Variants in ZNF804B observed in about 807,000 individuals in gnomAD.
ZNF804B encodes zinc finger protein 804B, also known as zinc finger 804B.
A neutral mutation model predicts 101.4 loss-of-function variants in ZNF804B; 80 were observed. That is an observed-to-expected ratio of 0.79 (90% CI 0.66 to 0.95). ZNF804B has a LOEUF of 0.95. Among genes scored for constraint, ZNF804B ranks in the 40% least tolerant of loss-of-function variants. The pLI, the probability that ZNF804B is intolerant of heterozygous loss-of-function variation, is 0.00. For missense variants in ZNF804B, 1,673 were observed against 1,561.9 expected (o/e 1.07, Z -1.20); for synonymous variants, 622 against 558.8 (o/e 1.11, Z -1.59).
intron 2 of ZNF804B, among the ~76,000 whole-genome samples, chr7:89,292,311 A>G (rs554771569): frequency 1.3e-5 from 2 of 152,292 alleles, no homozygotes; most frequent in African/African-American, 4.8e-5. Flanking sequence ...GAAAGACAAA[A>G]AGTTGAATGA....
intron 1 of ZNF804B, among the ~76,000 whole-genome samples, chr7:89,019,609 C>T (rs1788630345): frequency 6.6e-6 from 1 of 152,004 alleles, no homozygotes; most frequent in Admixed American, 6.5e-5. Flanking sequence ...TTTTGTGGCA[C>T]AACCATCTCT....
intron 1 of ZNF804B, among the ~76,000 whole-genome samples, chr7:89,062,490 A>G (rs1410196229): frequency 1.3e-5 from 2 of 152,068 alleles, no homozygotes; most frequent in African/African-American, 4.8e-5. Flanking sequence ...TTGTCATATT[A>G]TTTTGTTATT....
intron 1 of ZNF804B, chr7:88,794,619 G>A (rs966166733): frequency 6.2e-7 from 1 of 1,613,466 alleles, no homozygotes; most frequent in Non-Finnish European, 8.5e-7. Flanking sequence ...AAAGAACTTT[G>A]TAGAGAGTGT....
chr7:88,765,848 A>C (rs998326662), intron 1 of ZNF804B, among the ~76,000 whole-genome samples: 2 of 152,160 alleles, frequency 1.3e-5, no homozygotes, highest in African/African-American at 4.8e-5. Flanking sequence ...TATAGTGATA[A>C]TAGTGATATA....
intron 2 of ZNF804B, among the ~76,000 whole-genome samples, chr7:89,275,233 A>G (rs1330453313): frequency 6.6e-6 from 1 of 151,972 alleles, no homozygotes; most frequent in Non-Finnish European, 1.5e-5. Context: ...TTACACATGA[A>G]ATCAGGAAAA....
intron 1 of ZNF804B, among the ~76,000 whole-genome samples, chr7:89,158,599 ATCT>A (rs1264494418): frequency 1.3e-5 from 2 of 152,254 alleles, no homozygotes; most frequent in South Asian, 2.1e-4. Flanking sequence ...TAGAATACAA[ATCT>A]TCTTCATCTT....
chr7:89,128,832 G>A (rs1790507612), intron 1 of ZNF804B, among the ~76,000 whole-genome samples: 1 of 151,928 alleles, frequency 6.6e-6, no homozygotes, highest in Non-Finnish European at 1.5e-5. Flanking sequence ...AAGGGAGTGA[G>A]AACCAGCTCT....
intron 1 of ZNF804B, among the ~76,000 whole-genome samples, chr7:89,103,917 G>A (rs566594142): frequency 1.3e-5 from 2 of 151,918 alleles, no homozygotes; most frequent in South Asian, 4.2e-4. Context: ...CAGCTAGTTT[G>A]TTGAGGGTTT....
chr7:89,336,631 T>A lies in ZNF804B; in HGVS notation c.3649T>A (p.Phe1217Ile), dbSNP rs1791098182. Residue 1217 changes from phenylalanine (F) to isoleucine (I), a missense_variant, in exon 4 of 4, where the codon TTT becomes ATT. Transcript: ENST00000333190. ...TTIHHTFLQHFAVSASLSSHS... is the reference protein window; with the variant it reads ...TTIHHTFLQHIAVSASLSSHS... ...CATCCACCACACGTTCCTGCAGCAT[T>A]TTGCTGTTTCTGCTTCCTTAAGTTC... 6.2e-7 allele frequency: 1 copy of A among 1,614,062 alleles called. No individual in the cohort carries two copies. The highest frequency in any genetic ancestry group is 8.5e-7 in the Non-Finnish European group (1 of 1,179,958).
chr7:89,133,223 T>C (rs1207254733), intron 1 of ZNF804B, among the ~76,000 whole-genome samples: 1 of 152,032 alleles, frequency 6.6e-6, no homozygotes, highest in Non-Finnish European at 1.5e-5. Context: ...TGCTGAGACC[T>C]GCAAAGGCAG....
chr7:89,012,170 C>A (rs1788475755), intron 1 of ZNF804B, among the ~76,000 whole-genome samples: 1 of 152,120 alleles, frequency 6.6e-6, no homozygotes, highest in Non-Finnish European at 1.5e-5. Flanking sequence ...CCCTTCTAGC[C>A]ATGGCTGGGA....
At chr7:88,849,089 A>T (rs1791415188) in intron 1 of ZNF804B, among the ~76,000 whole-genome samples, 1 of 152,094 alleles carries the variant, frequency 6.6e-6, no homozygotes, top group Non-Finnish European at 1.5e-5. Flanking sequence ...CCCATAAAAT[A>T]TTCCTTTATA....
At chr7:89,257,114 T>C (rs1431662720) in intron 2 of ZNF804B, among the ~76,000 whole-genome samples, 5 of 152,158 alleles carry the variant, frequency 3.3e-5, no homozygotes, top group African/African-American at 1.2e-4. Context: ...TTTTGGGATT[T>C]TTTTTCTCAT....
At chr7:89,079,645 A>G (rs1388689666) in intron 1 of ZNF804B, among the ~76,000 whole-genome samples, 1 of 152,100 alleles carries the variant, frequency 6.6e-6, no homozygotes, top group Non-Finnish European at 1.5e-5. Context: ...AAATTTAGAT[A>G]ATAAGTGTAA....
intron 1 of ZNF804B, among the ~76,000 whole-genome samples, chr7:89,020,358 T>C (rs939078625): frequency 6.6e-6 from 1 of 152,174 alleles, no homozygotes; most frequent in East Asian, 1.9e-4. Context: ...ATTTTTTGTC[T>C]GTTTGTTTTA....
chr7:89,050,680 C>A (rs944288550), intron 1 of ZNF804B, among the ~76,000 whole-genome samples: 1 of 152,076 alleles, frequency 6.6e-6, no homozygotes, highest in Non-Finnish European at 1.5e-5. Flanking sequence ...TATTGAAAGA[C>A]CTTCCAAGAA....
At chr7:88,862,805 T>C (rs1791669584) in intron 1 of ZNF804B, among the ~76,000 whole-genome samples, 1 of 152,094 alleles carries the variant, frequency 6.6e-6, no homozygotes, top group Non-Finnish European at 1.5e-5. Flanking sequence ...TTTTTTAGCT[T>C]TTCCTGCTTC....
rs71526636 is a variant in ZNF804B, at chr7:89,208,082, G to GTT, written c.109-10057_109-10056dup. ...TGTGTTATATTTACTATTTTATTGG[G>GTT]TTTTTTTTTTTTTTTTTGAGACAGA... On this transcript the variant is annotated intron_variant, in intron 1 of 3. Transcript: ENST00000333190. Among the ~76,000 whole-genome samples, 24 of 142,232 alleles carry GTT rather than the reference G, an allele frequency of 1.7e-4. No homozygotes were observed. In the East Asian group the frequency reaches 2.5e-3, roughly 15 times the overall value. The allele number at this position is 142,232 out of a possible 152,430, so 93.3% of individuals were successfully genotyped here.
intron 1 of ZNF804B, among the ~76,000 whole-genome samples, chr7:88,896,613 C>A (rs1186430829): frequency 6.6e-6 from 1 of 152,002 alleles, no homozygotes; most frequent in Admixed American, 6.6e-5. Flanking sequence ...TAACAGTCGC[C>A]TAAAGAATAC....
Sources: allele counts gnomAD v4.1 joint callset (sites outside exome capture counted in the v4.1 genomes callset), GRCh38; gene constraint gnomAD v4.1.1; transcripts MANE v1.5; gene names NCBI Gene and HGNC (gene_info 2026-07-23, HGNC 2026-07-21).